The following ADARB2 variants were observed in gnomAD, a reference collection of about 807,000 sequenced individuals.
ADARB2 encodes the protein adenosine deaminase RNA specific B2 (inactive), also known as inactive double-stranded RNA-specific editase B2.
Under a neutral mutation model 62.2 loss-of-function variants are expected in ADARB2, and 25 were observed. The observed-to-expected ratio is 0.40, with a 90% CI of 0.29 to 0.56. ADARB2 has a LOEUF of 0.56. Ranked by LOEUF, ADARB2 falls within the 20% of genes least tolerant of loss-of-function variation. The pLI, the probability that ADARB2 is intolerant of heterozygous loss-of-function variation, is 0.43. For synonymous variants in ADARB2, 572 were observed against 500.8 expected (o/e 1.14, Z -1.90); for missense variants, 1,071 against 1,077.4 (o/e 0.99, Z 0.08).
At chr10:1,437,331 AAGTT>A (rs1830845075) in intron 1 of ADARB2, among the ~76,000 whole-genome samples, 1 of 152,104 alleles carries the variant, frequency 6.6e-6, no homozygotes, top group Non-Finnish European at 1.5e-5. Flanking sequence ...GATGAACGTA[AAGTT>A]AGTTGTAGCT....
Position 1,678,298 on chromosome 10 carries a change from G to A in ADARB2, c.100+58753C>T, listed in dbSNP as rs911235164. 9.1e-6 allele frequency: 9 copies of A among 985,076 alleles called. No homozygotes were observed. In the African/African-American group the frequency reaches 1.2e-4, roughly 13 times the overall value. 61.0% of individuals were successfully genotyped at this position (985,076 alleles called of 1,614,324 possible). On this transcript the variant is annotated intron_variant, in intron 1 of 9. Transcript: ENST00000381312. ...CTCGGGGTGAGCGTCCTCGGGGTGA[G>A]CATCCTCAGGGTGAGCGTCTTCAGG... is the stretch of plus-strand genomic sequence containing the variant.
chr10:1,522,033 CTTAG>C (rs1189945578), intron 1 of ADARB2, among the ~76,000 whole-genome samples: 1 of 152,140 alleles, frequency 6.6e-6, no homozygotes, highest in Non-Finnish European at 1.5e-5. Flanking sequence ...TTCATTGACA[CTTAG>C]TTAAACATGT....
At chr10:1,391,827 T>A (rs910039729) in intron 1 of ADARB2, among the ~76,000 whole-genome samples, 1 of 137,768 alleles carries the variant, frequency 7.3e-6, no homozygotes, top group Non-Finnish European at 1.5e-5. Context: ...CAGGCTGGAG[T>A]GCAGTGGTGT....
intron 3 of ADARB2, among the ~76,000 whole-genome samples, chr10:1,333,173 T>C (rs1438528408): frequency 6.6e-6 from 1 of 152,246 alleles, no homozygotes; most frequent in African/African-American, 2.4e-5. Flanking sequence ...GTTAACTCGA[T>C]TTCTACTAGC....
intron 1 of ADARB2, among the ~76,000 whole-genome samples, chr10:1,507,007 G>A (rs531118797): frequency 9.8e-5 from 15 of 152,330 alleles, no homozygotes; most frequent in African/African-American, 2.9e-4. Flanking sequence ...CTGGACAGTG[G>A]GCTCCCAGCC....
chr10:1,675,674 TG>T (rs923446566), intron 1 of ADARB2, among the ~76,000 whole-genome samples: 1 of 149,506 alleles, frequency 6.7e-6, no homozygotes, highest in Non-Finnish European at 1.5e-5. Flanking sequence ...GGTTTGGGTT[TG>T]GGGGTTCATG....
chr10:1,718,365 G>T (rs1388890384), intron 1 of ADARB2, among the ~76,000 whole-genome samples: 1 of 152,184 alleles, frequency 6.6e-6, no homozygotes, highest in African/African-American at 2.4e-5. Flanking sequence ...GCTTCTGCTG[G>T]TAGGGAGGCT....
intron 3 of ADARB2, among the ~76,000 whole-genome samples, chr10:1,312,041 A>C (rs1831696819): frequency 6.6e-6 from 1 of 152,232 alleles, no homozygotes; most frequent in African/African-American, 2.4e-5. Flanking sequence ...CCGGAGTAGC[A>C]TCTGTCGCTC....
In ADARB2 at chr10:1,590,974, G is replaced by A. The variant is rs1008449716; in HGVS notation, c.100+146077C>T. The stretch of plus-strand genomic sequence containing the variant: ...GCTACTGAGCACAGATGTGGAAATC[G>A]TTTCACAATGTACCTGTCCATCTAA... On this transcript the variant is annotated intron_variant, in intron 1 of 9. Coordinates refer to ENST00000381312, the MANE Select transcript of ADARB2 (RefSeq NM_018702.4). Among the ~76,000 whole-genome samples the A allele has an allele frequency of 3.9e-5, 6 of 152,358 alleles. No individual in the cohort carries two copies. In the South Asian group the frequency reaches 8.3e-4, roughly 21 times the overall value.
chr10:1,661,957 T>C (rs186694926), intron 1 of ADARB2, among the ~76,000 whole-genome samples: 1 of 152,164 alleles, frequency 6.6e-6, no homozygotes, highest in East Asian at 1.9e-4. Context: ...ATGCAGGCAC[T>C]GAGGCAGCGG....
At chr10:1,541,751 T>C (rs375897420) in intron 1 of ADARB2, among the ~76,000 whole-genome samples, 2 of 44,130 alleles carry the variant, frequency 4.5e-5, no homozygotes, top group African/African-American at 1.1e-4. Flanking sequence ...ATCACAGCCG[T>C]CCAGACCCCA....
chr10:1,245,578 A>AGGGACT (rs1423462275), intron 4 of ADARB2, among the ~76,000 whole-genome samples: 5 of 145,816 alleles, frequency 3.4e-5, no homozygotes, highest in Admixed American at 2.9e-4. Context: ...ATGAGTGAGG[A>AGGGACT]CATGCGGTGT....
At chr10:1,519,802 C>T (rs12242515) in intron 1 of ADARB2, among the ~76,000 whole-genome samples, 3,401 of 152,212 alleles carry the variant, frequency 0.022, 116 homozygotes, top group African/African-American at 0.075. Context: ...CTTCGCCCTG[C>T]ATGGATCTTG....
chr10:1,539,588 G>A (rs1486044145), intron 1 of ADARB2, among the ~76,000 whole-genome samples: 1 of 152,248 alleles, frequency 6.6e-6, no homozygotes, highest in Non-Finnish European at 1.5e-5. Context: ...GCCCACCCAT[G>A]GTGTTTGGAA....
intron 1 of ADARB2, among the ~76,000 whole-genome samples, chr10:1,543,790 C>T (rs1331403195): frequency 2.0e-5 from 3 of 152,190 alleles, no homozygotes; most frequent in Non-Finnish European, 4.4e-5. Flanking sequence ...AGGGGCAGCG[C>T]TGGGCCCGCT....
intron 1 of ADARB2, among the ~76,000 whole-genome samples, chr10:1,502,476 A>G (rs1439923220): frequency 6.6e-6 from 1 of 152,248 alleles, no homozygotes; most frequent in Non-Finnish European, 1.5e-5. Flanking sequence ...GATTCCCAGC[A>G]AGGTTTTGGG....
chr10:1,413,635 C>T (rs1200017493), intron 1 of ADARB2, among the ~76,000 whole-genome samples: 1 of 152,128 alleles, frequency 6.6e-6, no homozygotes, highest in Admixed American at 6.5e-5. Flanking sequence ...AACCCTAGGG[C>T]AGGGAAGCCA....
chr10:1,320,571 A>ATGT, intron 3 of ADARB2, among the ~76,000 whole-genome samples: 1 of 152,360 alleles, frequency 6.6e-6, no homozygotes, highest in East Asian at 1.9e-4. Flanking sequence ...GTTCTTAGTC[A>ATGT]TAATATATAC....
chr10:1,218,456 CATA>C (rs1589154936), intron 6 of ADARB2, among the ~76,000 whole-genome samples: 1 of 152,206 alleles, frequency 6.6e-6, no homozygotes, highest in Non-Finnish European at 1.5e-5. Context: ...CATTTACATA[CATA>C]TGATAACGTA....
Sources: gnomAD v4.1 joint callset for allele counts (sites outside exome capture counted in the v4.1 genomes callset) on GRCh38, gnomAD v4.1.1 for gene constraint, MANE v1.5 for transcripts, NCBI Gene and HGNC (gene_info 2026-07-23, HGNC 2026-07-21) for gene names.